Variants in GPN1 observed in about 807,000 individuals in gnomAD.
GPN1 encodes GPN-loop GTPase 1, also known as ATP(GTP)-binding protein.
A neutral mutation model predicts 55.9 loss-of-function variants in GPN1; 44 were observed. The observed-to-expected ratio is 0.79, with a 90% confidence interval of 0.62 to 1.01. The LOEUF is 1.01. Among genes scored for constraint, GPN1 ranks in the 50% least tolerant of loss-of-function variants. The pLI, the probability that GPN1 is intolerant of heterozygous loss-of-function variation, is 0.00. For missense variants in GPN1, 466 were observed against 462.8 expected (o/e 1.01, Z -0.06); for synonymous variants, 179 against 162.5 (o/e 1.10, Z -0.77).
In GPN1 at chr2:27,639,290, G is replaced by T. The variant is rs368148368; in HGVS notation, c.717+259G>T. On this transcript the variant is annotated intron_variant, in intron 9 of 13. Coordinates refer to ENST00000610189, the MANE Select transcript of GPN1 (RefSeq NM_007266.4). ...ATATTGTAGTAAGTACCTTAAGAAA[G>T]ATTGGAAGTTGGGCCTGATGATTGT... is the stretch of plus-strand genomic sequence containing the variant. 3.9e-5 allele frequency among the ~76,000 whole-genome samples: 6 copies of T among 152,174 alleles called. No homozygotes were observed. The South Asian group carries it at 1.0e-3, about 26-fold the overall frequency.
At chr2:27,641,022 C>G (rs1465383159) in intron 10 of GPN1, among the ~76,000 whole-genome samples, 2 of 152,186 alleles carry the variant, frequency 1.3e-5, no homozygotes, top group Non-Finnish European at 2.9e-5. Context: ...GCCCAGCAGT[C>G]AGGATTGTGT....
At chr2:27,634,332 A>G (rs1406583548) in intron 5 of GPN1, among the ~76,000 whole-genome samples, 2 of 152,216 alleles carry the variant, frequency 1.3e-5, no homozygotes, top group Non-Finnish European at 2.9e-5. Context: ...TAATTCACAT[A>G]CCATACAATT....
At chr2:27,641,871 T>G (rs1673968923) in intron 11 of GPN1, among the ~76,000 whole-genome samples, 1 of 152,140 alleles carries the variant, frequency 6.6e-6, no homozygotes, top group African/African-American at 2.4e-5. Flanking sequence ...AGTGCTAGGA[T>G]TACAGGCAGG....
intron 12 of GPN1, among the ~76,000 whole-genome samples, chr2:27,646,623 A>G (rs1016743769): frequency 1.3e-5 from 2 of 151,924 alleles, no homozygotes; most frequent in Admixed American, 6.6e-5. Flanking sequence ...ATGCAAGTCT[A>G]TTGCAGCTTA....
intron 3 of GPN1, chr2:27,631,477 C>T (rs1673551129): frequency 2.4e-6 from 1 of 425,312 alleles, no homozygotes. Context: ...AGTAGGAAGA[C>T]TAATCATAAT....
At chr2:27,649,223 T>C (rs1297618353) in intron 13 of GPN1, among the ~76,000 whole-genome samples, 1 of 150,692 alleles carries the variant, frequency 6.6e-6, no homozygotes, top group Non-Finnish European at 1.5e-5. Context: ...CAGGCCTCGG[T>C]AACAAGAGTG....
upstream of GPN1, chr2:27,628,881 T>G: frequency 6.8e-7 from 1 of 1,465,094 alleles, no homozygotes; most frequent in Non-Finnish European, 9.0e-7. Flanking sequence ...TCCTCGCCAC[T>G]GTCACTAGTT....
At position 27,642,484 on chromosome 2, in the gene GPN1, T is replaced by G. The variant is rs138879960; in HGVS notation, c.896T>G (p.Met299Arg). The change falls in exon 12 of 14, where the codon ATG becomes AGG. Residue 299 changes from methionine to arginine, a missense_variant. Coordinates refer to ENST00000610189, the MANE Select transcript of GPN1 (RefSeq NM_007266.4). ...REQLERLRKDMGSVALDAGTA... is the reference protein window; with the variant it reads ...REQLERLRKDRGSVALDAGTA... Reference sequence around the variant, plus strand: ...CAACTGGAACGCCTTCGAAAAGATATGGGTTCTGTAGCCTTGGATGCAGGG... The same window carrying G: ...CAACTGGAACGCCTTCGAAAAGATAGGGGTTCTGTAGCCTTGGATGCAGGG... 237 of 1,613,322 alleles carry G rather than the reference T, an allele frequency of 1.5e-4. 1 individual carries two copies. Among genetic ancestry groups the G allele is most frequent in the Non-Finnish European group, 1.8e-4 (207 of 1,179,376 alleles).
At chr2:27,636,045 T>C (rs749337529) in intron 7 of GPN1, among the ~76,000 whole-genome samples, 5 of 152,044 alleles carry the variant, frequency 3.3e-5, no homozygotes, top group Non-Finnish European at 5.9e-5. Context: ...TGAAACCCCA[T>C]CTCTACAAAA....
At chr2:27,646,102 C>T (rs536507889) in intron 12 of GPN1, among the ~76,000 whole-genome samples, 7 of 150,720 alleles carry the variant, frequency 4.6e-5, no homozygotes, top group Admixed American at 2.0e-4. Flanking sequence ...AGTGCAATGG[C>T]GCGATCTCGG....
At chr2:27,642,155 C>G in intron 11 of GPN1, 1 of 332,134 alleles carries the variant, frequency 3.0e-6, no homozygotes, top group Non-Finnish European at 5.6e-6. Context: ...CTGGACTGAA[C>G]TCAACACTTT....
chr2:27,638,999 C>T lies in GPN1; in HGVS notation c.685C>T (p.Leu229=), dbSNP rs748524626. 2 of 1,613,098 alleles carry T rather than the reference C, an allele frequency of 1.2e-6. No homozygotes were observed. The highest frequency in any genetic ancestry group is 2.2e-5 in the South Asian group (2 of 90,954). Residue 229 remains leucine, a synonymous_variant, in exon 9 of 14, where the codon CTG becomes TTG. Coordinates refer to ENST00000610189, the MANE Select transcript of GPN1 (RefSeq NM_007266.4). ...YVSNLTRSMS[L]VLDEFYSSLR... ...CAGTAACCTGACTCGTTCAATGAGCCTGGTGTTAGATGAGTTTTACAGCTC... is the reference window on the plus strand; with the variant it reads ...CAGTAACCTGACTCGTTCAATGAGCTTGGTGTTAGATGAGTTTTACAGCTC...
rs537998115 is a variant in GPN1 at position 27,649,210 on chromosome 2, A to T, written c.1040-905A>T. ...CAGTGAACTGAGAGCTCACCATTGCACTCAGGCCTCGGTAACAAGAGTGAA... is the reference window on the plus strand; with the variant it reads ...CAGTGAACTGAGAGCTCACCATTGCTCTCAGGCCTCGGTAACAAGAGTGAA... On this transcript the variant is annotated intron_variant, in intron 13 of 13. Transcript: ENST00000610189. 5.1e-4 allele frequency among the ~76,000 whole-genome samples: 78 copies of T among 151,616 alleles called. 1 individual carries two copies. The South Asian group carries it at 0.014, about 27-fold the overall frequency.
chr2:27,641,389 T>C (rs1673944005), intron 11 of GPN1, 110 bp downstream of exon 11: 1 of 721,864 alleles, frequency 1.4e-6, no homozygotes, highest in Admixed American at 2.7e-5. Context: ...TTTTATTTAA[T>C]TAAAAAAGTT....
intron 3 of GPN1, 105 bp from the exon 4 acceptor site, chr2:27,631,729 T>C: frequency 1.3e-6 from 1 of 771,846 alleles, no homozygotes; most frequent in Non-Finnish European, 2.4e-6. Context: ...CCAGTATCCA[T>C]TAATGGAACA....
At position 27,629,092 on chromosome 2, in the gene GPN1, G is replaced by C; in HGVS notation, c.34G>C (p.Ala12Pro). Residue 12 changes from alanine (A) to proline (P), a missense_variant, in exon 1 of 14, where the codon GCT becomes CCT. Ala to Pro is a conservative substitution (Grantham distance 27). Coordinates refer to ENST00000610189, the MANE Select transcript of GPN1 (RefSeq NM_007266.4). ...AASAAAAELQ[A>P]SGGPRHPVCL... ...GTCCGCAGCTGCCGCTGAGCTCCAG[G>C]CTTCTGGGGGTCCGCGGCACCCAGT... The C allele has an allele frequency of 6.2e-7, 1 of 1,614,236 alleles. No individual in the cohort carries two copies. Among genetic ancestry groups the C allele is most frequent in the Non-Finnish European group, 8.5e-7 (1 of 1,180,040 alleles).
chr2:27,638,122 G>A (rs1673800032), intron 7 of GPN1, 88 bp from the exon 8 acceptor site: 6 of 745,256 alleles, frequency 8.1e-6, no homozygotes, highest in Middle Eastern at 2.6e-4. Context: ...ACTCATTTCT[G>A]TTCTCTTACT....
At chr2:27,642,988 C>CACACACACAT (rs1674032707) in intron 12 of GPN1, among the ~76,000 whole-genome samples, 6 of 150,782 alleles carry the variant, frequency 4.0e-5, no homozygotes, top group Non-Finnish European at 8.9e-5. Context: ...CACACACACA[C>CACACACACAT]ACACACATAC....
chr2:27,649,205 A>G (rs1674389667), intron 13 of GPN1, among the ~76,000 whole-genome samples: 1 of 151,606 alleles, frequency 6.6e-6, no homozygotes, highest in Admixed American at 6.6e-5. Flanking sequence ...AGAGCTCACC[A>G]TTGCACTCAG....
Sources: gnomAD v4.1 joint callset for allele counts (sites outside exome capture counted in the v4.1 genomes callset) on GRCh38, gnomAD v4.1.1 for gene constraint, MANE v1.5 for transcripts, NCBI Gene and HGNC (gene_info 2026-07-23, HGNC 2026-07-21) for gene names.